The following DLGAP2 variants were observed in gnomAD, a reference collection of about 807,000 sequenced individuals.
The protein encoded by DLGAP2 is DLG associated protein 2, also known as disks large-associated protein 2.
A neutral mutation model predicts 100.3 loss-of-function variants in DLGAP2; 26 were observed. The ratio of observed to expected loss-of-function variants is 0.26; its 90% CI spans 0.19 to 0.36. The LOEUF (loss-of-function observed/expected upper bound fraction) is 0.36. Among genes scored for constraint, DLGAP2 ranks in the 10% least tolerant of loss-of-function variants. The probability of loss-of-function intolerance (pLI) is 1.00; values close to 1 mark genes in which losing one functional copy is unlikely to be tolerated. For synonymous variants in DLGAP2, 886 were observed against 630.1 expected (o/e 1.41, Z -6.08); for missense variants, 1,858 against 1,453.2 (o/e 1.28, Z -4.53).
rs1799572848 is a variant in DLGAP2 at position 1,701,571 on chromosome 8, C to T, written c.*165C>T. 2.8e-6 allele frequency: 2 copies of T among 718,576 alleles called. No individual in the cohort carries two copies. The highest frequency in any genetic ancestry group is 4.4e-6 in the Non-Finnish European group (2 of 450,376). 44.5% of individuals were successfully genotyped at this position (718,576 alleles called of 1,614,324 possible). ...GGGACGCGGCCGGCGGCCTCAGAGT[C>T]CACGGAGCTCGCGGCGAGGACGACT... On this transcript the variant is annotated 3_prime_UTR_variant, in exon 15 of 15. Transcript: ENST00000637795.
intron 3 of DLGAP2, among the ~76,000 whole-genome samples, chr8:1,438,064 G>C (rs1009290557): frequency 6.6e-6 from 1 of 152,100 alleles, no homozygotes; most frequent in Non-Finnish European, 1.5e-5. Context: ...AGGATTTCTC[G>C]AGTTGTGGGC....
rs556517423 is a variant in DLGAP2 at position 1,540,183 on chromosome 8, A to G, written c.173-8443A>G. On this transcript the variant is annotated intron_variant, in intron 4 of 14. Coordinates refer to ENST00000637795, the MANE Select transcript of DLGAP2 (RefSeq NM_001346810.2). ...ACTTCCTTAGGTCTCTGCCCTGGTC[A>G]AGCCCTCCCCACCACACTTGTCCCA... 2.0e-5 allele frequency among the ~76,000 whole-genome samples: 3 copies of G among 152,294 alleles called. No individual in the cohort carries two copies. The South Asian group carries it at 6.2e-4, about 32-fold the overall frequency.
chr8:1,329,924 C>G (rs146148290), intron 3 of DLGAP2, among the ~76,000 whole-genome samples: 3 of 152,242 alleles, frequency 2.0e-5, no homozygotes, highest in Admixed American at 2.0e-4. Context: ...GCCGCCCTGC[C>G]GTGCAGTAGA....
intron 2 of DLGAP2, among the ~76,000 whole-genome samples, chr8:1,240,776 A>C (rs75701185): frequency 6.2e-5 from 1 of 16,146 alleles, no homozygotes; most frequent in African/African-American, 4.1e-4. Context: ...TAGTTGTCTC[A>C]CATGGTGCCG....
intron 1 of DLGAP2, among the ~76,000 whole-genome samples, chr8:805,763 C>T (rs375265969): frequency 2.0e-5 from 3 of 152,262 alleles, no homozygotes; most frequent in East Asian, 3.9e-4. Flanking sequence ...AGCAGTCCGC[C>T]GGCCTTGGCC....
chr8:1,412,824 CTG>C (rs1336742308), intron 3 of DLGAP2, among the ~76,000 whole-genome samples: 1 of 152,202 alleles, frequency 6.6e-6, no homozygotes, highest in Non-Finnish European at 1.5e-5. Context: ...AGCAGATGGC[CTG>C]TGTCTCCAGT....
intron 2 of DLGAP2, among the ~76,000 whole-genome samples, chr8:1,152,772 C>G (rs778875483): frequency 3.9e-5 from 6 of 152,176 alleles, no homozygotes; most frequent in Non-Finnish European, 8.8e-5. Context: ...ACGGCTATGT[C>G]TAAAACCAGA....
intron 1 of DLGAP2, among the ~76,000 whole-genome samples, chr8:863,710 A>T (rs1413343542): frequency 6.6e-6 from 1 of 152,206 alleles, no homozygotes; most frequent in African/African-American, 2.4e-5. Flanking sequence ...GCTTTCACCA[A>T]AAAGACAAAG....
chr8:1,291,171 A>G (rs1257006149), intron 3 of DLGAP2, among the ~76,000 whole-genome samples: 8 of 152,204 alleles, frequency 5.3e-5, no homozygotes, highest in African/African-American at 1.9e-4. Flanking sequence ...TCACGTCTCA[A>G]TATTAATGTT....
chr8:1,593,859 C>T (rs1036318161), intron 6 of DLGAP2, among the ~76,000 whole-genome samples: 3 of 152,172 alleles, frequency 2.0e-5, no homozygotes, highest in African/African-American at 7.2e-5. Flanking sequence ...TCTCAGCTTC[C>T]CACTGAAGAG....
intron 6 of DLGAP2, among the ~76,000 whole-genome samples, chr8:1,577,829 G>C (rs1803053906): frequency 1.3e-5 from 2 of 152,268 alleles, no homozygotes; most frequent in South Asian, 2.1e-4. Context: ...AGCGTGGTCA[G>C]CACTGACCTT....
intron 1 of DLGAP2, among the ~76,000 whole-genome samples, chr8:903,261 TGG>T (rs1184755538): frequency 6.6e-6 from 1 of 151,936 alleles, no homozygotes; most frequent in Non-Finnish European, 1.5e-5. Context: ...CTCAGCAGGT[TGG>T]GGAATAGCTG....
chr8:1,356,389 C>T (rs919508057), intron 3 of DLGAP2, among the ~76,000 whole-genome samples: 1 of 152,136 alleles, frequency 6.6e-6, no homozygotes, highest in African/African-American at 2.4e-5. Context: ...GTTTAGGATG[C>T]CAACCAGAAA....
chr8:1,087,709 C>T (rs1402748074), intron 2 of DLGAP2, among the ~76,000 whole-genome samples: 1 of 152,164 alleles, frequency 6.6e-6, no homozygotes, highest in East Asian at 1.9e-4. Context: ...ATTGTCAGAG[C>T]CTCCTTCCAA....
At chr8:1,580,043 G>A (rs1803164204) in intron 6 of DLGAP2, among the ~76,000 whole-genome samples, 1 of 152,198 alleles carries the variant, frequency 6.6e-6, no homozygotes, top group Admixed American at 6.5e-5. Flanking sequence ...TCCCAGCACT[G>A]ATACCATTCA....
chr8:1,054,113 C>G (rs112121706), intron 2 of DLGAP2, among the ~76,000 whole-genome samples: 1 of 152,052 alleles, frequency 6.6e-6, no homozygotes, highest in African/African-American at 2.4e-5. Context: ...GTGCGGCACC[C>G]GGCGTTTCTG....
intron 2 of DLGAP2, among the ~76,000 whole-genome samples, chr8:1,092,670 G>A (rs1309409802): frequency 3.9e-5 from 6 of 152,296 alleles, no homozygotes; most frequent in Admixed American, 1.3e-4. Flanking sequence ...ACACTGTCTC[G>A]TGCTGAGGTT....
chr8:1,001,256 C>T (rs1563137395), intron 2 of DLGAP2, among the ~76,000 whole-genome samples: 1 of 152,222 alleles, frequency 6.6e-6, no homozygotes, highest in Non-Finnish European at 1.5e-5. Flanking sequence ...CTGCACACAG[C>T]CTTTCTCCAC....
intron 2 of DLGAP2, among the ~76,000 whole-genome samples, chr8:909,946 A>T (rs534791000): frequency 6.6e-5 from 10 of 152,346 alleles, no homozygotes; most frequent in Admixed American, 5.2e-4. Context: ...TTTCAGTGGC[A>T]TATAAAGGTC....
Sources: gnomAD v4.1 joint callset for allele counts (sites outside exome capture counted in the v4.1 genomes callset) on GRCh38, gnomAD v4.1.1 for gene constraint, MANE v1.5 for transcripts, NCBI Gene and HGNC (gene_info 2026-07-23, HGNC 2026-07-21) for gene names.